The following NKAIN3 variants were observed in gnomAD, a reference collection of about 807,000 sequenced individuals.
The protein encoded by NKAIN3 is sodium/potassium transporting ATPase interacting 3.
In NKAIN3, 25 loss-of-function variants were observed where a neutral mutation model predicts 30.2. That is an observed-to-expected ratio of 0.83 (90% CI 0.60 to 1.16). NKAIN3 has a LOEUF of 1.16. NKAIN3 is among the 50% of genes most tolerant of loss of function. The pLI, the probability that NKAIN3 is intolerant of heterozygous loss-of-function variation, is 0.00. For synonymous variants in NKAIN3, 91 were observed against 89.6 expected, an observed-to-expected ratio of 1.02 and a Z score of -0.09; for missense variants, 225 against 254.1, an observed-to-expected ratio of 0.89 and a Z score of 0.78.
At chr8:62,678,091 G>C (rs75441543) in intron 3 of NKAIN3, among the ~76,000 whole-genome samples, 10,618 of 152,230 alleles carry the variant, frequency 0.07, 820 homozygotes, top group African/African-American at 0.19. Context: ...ATCTTTGGGA[G>C]CTGTGAATAT....
At chr8:62,776,494 T>C (rs1035510327) in intron 4 of NKAIN3, among the ~76,000 whole-genome samples, 10 of 152,144 alleles carry the variant, frequency 6.6e-5, no homozygotes, top group African/African-American at 2.2e-4. Context: ...AATAATATCT[T>C]ATAGCCCATT....
chr8:62,624,412 T>C (rs1415048770), intron 3 of NKAIN3, among the ~76,000 whole-genome samples: 1 of 151,940 alleles, frequency 6.6e-6, no homozygotes, highest in South Asian at 2.1e-4. Context: ...ACACTTTAAA[T>C]ATCTAACTCT....
At chr8:62,405,166 C>T (rs1804022685) in intron 1 of NKAIN3, among the ~76,000 whole-genome samples, 1 of 152,166 alleles carries the variant, frequency 6.6e-6, no homozygotes, top group African/African-American at 2.4e-5. Context: ...TCCCTCTCCT[C>T]TCCTCAAGCA....
At chr8:62,670,994 G>GA (rs915735208) in intron 3 of NKAIN3, among the ~76,000 whole-genome samples, 3 of 151,910 alleles carry the variant, frequency 2.0e-5, no homozygotes, top group Admixed American at 1.3e-4. Context: ...GAACTTGTGT[G>GA]AAAAAATAGT....
chr8:62,451,759 A>T (rs763916815), intron 1 of NKAIN3, among the ~76,000 whole-genome samples: 1 of 152,176 alleles, frequency 6.6e-6, no homozygotes, highest in Non-Finnish European at 1.5e-5. Context: ...TTGATGGAAA[A>T]CTACTCTAAA....
chr8:62,821,522 G>A (rs1184988644), intron 4 of NKAIN3, among the ~76,000 whole-genome samples: 1 of 152,092 alleles, frequency 6.6e-6, no homozygotes, highest in Non-Finnish European at 1.5e-5. Flanking sequence ...TGTGTAATGA[G>A]GGGAACTCTT....
intron 1 of NKAIN3, among the ~76,000 whole-genome samples, chr8:62,276,709 A>T (rs1247747557): frequency 6.6e-6 from 1 of 152,212 alleles, no homozygotes; most frequent in Non-Finnish European, 1.5e-5. Flanking sequence ...GTGTTATGAA[A>T]GGTTAAACGT....
At chr8:62,436,282 G>T (rs993824706) in intron 1 of NKAIN3, among the ~76,000 whole-genome samples, 1 of 152,148 alleles carries the variant, frequency 6.6e-6, no homozygotes, top group Non-Finnish European at 1.5e-5. Context: ...TACCGCAAAT[G>T]TTACTGACTG....
intron 1 of NKAIN3, among the ~76,000 whole-genome samples, chr8:62,391,431 A>G (rs950384297): frequency 2.6e-5 from 4 of 152,136 alleles, no homozygotes; most frequent in Non-Finnish European, 2.9e-5. Context: ...GTCATAAGAC[A>G]ACATTACATA....
chr8:62,571,691 G>T (rs1194187285), intron 1 of NKAIN3, among the ~76,000 whole-genome samples: 1 of 152,046 alleles, frequency 6.6e-6, no homozygotes. Flanking sequence ...CCAGACAGAG[G>T]TTCCCAAAGC....
At chr8:62,572,171 T>G (rs1809965106) in intron 1 of NKAIN3, among the ~76,000 whole-genome samples, 1 of 152,170 alleles carries the variant, frequency 6.6e-6, no homozygotes, top group South Asian at 2.1e-4. Flanking sequence ...CTTGAATGCT[T>G]TGCTGCTTAG....
chr8:62,309,592 G>A (rs914181588), intron 1 of NKAIN3, among the ~76,000 whole-genome samples: 2 of 150,246 alleles, frequency 1.3e-5, no homozygotes, highest in Non-Finnish European at 2.9e-5. Flanking sequence ...TTATGGCTCT[G>A]TACTCTCCCA....
At chr8:62,997,757 A>T (rs199705624) in intron 5 of NKAIN3, among the ~76,000 whole-genome samples, 37,227 of 146,126 alleles carry the variant, frequency 0.25, 5,114 homozygotes, top group East Asian at 0.55. Context: ...CTTTTCTTTA[A>T]AAAAAAAAAA....
Position 62,845,653 on chromosome 8 carries a change from A to G in NKAIN3, c.472-72800A>G, listed in dbSNP as rs933843951. 2.0e-4 allele frequency among the ~76,000 whole-genome samples: 31 copies of G among 152,272 alleles called. 1 individual carries two copies. The East Asian group carries it at 5.4e-3, about 27-fold the overall frequency. ...TCAGAGAAAAGAGAATTTTAAACAG[A>G]CATTCACATAATAGGCCATACAGAC... On this transcript the variant is annotated intron_variant, in intron 4 of 6. Transcript: ENST00000623646.
At chr8:62,948,152 G>A (rs1425815321) in intron 5 of NKAIN3, among the ~76,000 whole-genome samples, 2 of 151,766 alleles carry the variant, frequency 1.3e-5, no homozygotes, top group Non-Finnish European at 2.9e-5. Flanking sequence ...AAGTCAAGAG[G>A]ATGAAAGAGA....
chr8:62,766,645 G>A (rs1816848688), intron 4 of NKAIN3, among the ~76,000 whole-genome samples: 1 of 152,128 alleles, frequency 6.6e-6, no homozygotes, highest in African/African-American at 2.4e-5. Flanking sequence ...ACCCAGGAAA[G>A]GGTAGGCTAT....
intron 1 of NKAIN3, among the ~76,000 whole-genome samples, chr8:62,323,739 T>C (rs114935259): frequency 0.03 from 4,550 of 152,198 alleles, 220 homozygotes; most frequent in African/African-American, 0.1. Flanking sequence ...GAATCAACTG[T>C]GATACATCCA....
At chr8:62,473,465 A>G (rs1173865510) in intron 1 of NKAIN3, 1 of 152,220 alleles carries the variant, frequency 6.6e-6, no homozygotes, top group African/African-American at 2.4e-5. Flanking sequence ...ATGGGGCCTT[A>G]TTGAAGCAAA....
At chr8:62,987,889 C>A (rs992588703), downstream of NKAIN3, among the ~76,000 whole-genome samples, 3 of 152,168 alleles carry the variant, frequency 2.0e-5, no homozygotes, top group African/African-American at 7.2e-5. Flanking sequence ...AAGGCAAATC[C>A]CCTCTGCCTA....
Sources: gnomAD v4.1 joint callset for allele counts (sites outside exome capture counted in the v4.1 genomes callset) on GRCh38, gnomAD v4.1.1 for gene constraint, MANE v1.5 for transcripts, NCBI Gene and HGNC (gene_info 2026-07-23, HGNC 2026-07-21) for gene names.